Variants in ZNF277 observed in about 807,000 individuals in gnomAD.
ZNF277 encodes the protein nuclear receptor-interacting factor 4.
Under a neutral mutation model 60.7 loss-of-function variants are expected in ZNF277, and 55 were observed. The ratio of observed to expected loss-of-function variants is 0.91; its 90% CI spans 0.73 to 1.13. The LOEUF is 1.13. Among genes scored for constraint, ZNF277 ranks in the 50% most tolerant of loss-of-function variants. ZNF277 has a pLI of 0.00. For synonymous variants in ZNF277, 178 were observed against 179.3 expected (o/e 0.99, Z 0.06); for missense variants, 510 against 523.0 (o/e 0.98, Z 0.24).
chr7:112,289,389 G>A (rs1792151382), intron 2 of ZNF277, among the ~76,000 whole-genome samples: 1 of 152,210 alleles, frequency 6.6e-6, no homozygotes, highest in South Asian at 2.1e-4. Context: ...AGAGATTTTG[G>A]TGCTGCCTTA....
intron 1 of ZNF277, among the ~76,000 whole-genome samples, chr7:112,256,590 T>C (rs772821611): frequency 3.9e-5 from 6 of 151,988 alleles, no homozygotes; most frequent in Admixed American, 6.6e-5. Context: ...GGATTACAGA[T>C]GTGCACCACC....
intron 1 of ZNF277, among the ~76,000 whole-genome samples, chr7:112,249,609 C>T (rs753092996): frequency 9.9e-5 from 15 of 152,090 alleles, no homozygotes; most frequent in Non-Finnish European, 1.8e-4. Context: ...TTGAGTATTG[C>T]GGGAAGTCAG....
chr7:112,272,401 A>G (rs1340872118), intron 1 of ZNF277, among the ~76,000 whole-genome samples: 1 of 152,196 alleles, frequency 6.6e-6, no homozygotes, highest in African/African-American at 2.4e-5. Context: ...TATCTCTTCA[A>G]TATACTGATT....
At position 112,295,857 on chromosome 7, in the gene ZNF277, T is replaced by G. The variant is rs1418314472; in HGVS notation, c.294-12T>G. 1 of 1,596,704 alleles carries G rather than the reference T, an allele frequency of 6.3e-7. No individual in the cohort carries two copies. The highest frequency in any genetic ancestry group is 2.2e-5 in the East Asian group (1 of 44,612). ...AATCTTCTCATCGTTCCTTATTTTATGTTGTTCTAAGGTACATTTTATATT... is the reference window on the plus strand; with the variant it reads ...AATCTTCTCATCGTTCCTTATTTTAGGTTGTTCTAAGGTACATTTTATATT... On this transcript the variant is annotated splice_polypyrimidine_tract_variant and intron_variant, in intron 2 of 11. Coordinates refer to ENST00000361822, the MANE Select transcript of ZNF277 (RefSeq NM_021994.3).
At position 112,285,134 on chromosome 7, in the gene ZNF277, A is replaced by G. The variant is rs566002413; in HGVS notation, c.92-1739A>G. Among the ~76,000 whole-genome samples, 13 of 152,016 alleles carry G rather than the reference A, an allele frequency of 8.6e-5. No homozygotes were observed. The East Asian group carries it at 2.5e-3, about 29-fold the overall frequency. On this transcript the variant is annotated intron_variant, in intron 1 of 11. Transcript: ENST00000361822. Reference sequence around the variant, plus strand: ...AACCTCCACCACCTGGGTTCAAGCAATTCTCCTACCTCAGCCTCCCAAGTA... The same window carrying G: ...AACCTCCACCACCTGGGTTCAAGCAGTTCTCCTACCTCAGCCTCCCAAGTA...
At chr7:112,209,564 G>A (rs1821681224) in intron 1 of ZNF277, among the ~76,000 whole-genome samples, 1 of 152,062 alleles carries the variant, frequency 6.6e-6, no homozygotes, top group South Asian at 2.1e-4. Context: ...GAAATACCCA[G>A]TATTCTCATT....
intron 1 of ZNF277, among the ~76,000 whole-genome samples, chr7:112,222,461 T>A (rs889282340): frequency 6.6e-6 from 1 of 152,236 alleles, no homozygotes; most frequent in African/African-American, 2.4e-5. Flanking sequence ...GGTTATCCAA[T>A]TTATTGCCAT....
At chr7:112,311,962 T>C (rs1247222302) in intron 4 of ZNF277, among the ~76,000 whole-genome samples, 2 of 152,082 alleles carry the variant, frequency 1.3e-5, no homozygotes, top group African/African-American at 2.4e-5. Context: ...ATGACTGTCT[T>C]CTACCTAGAC....
intron 1 of ZNF277, among the ~76,000 whole-genome samples, chr7:112,277,077 ATT>A (rs59902516): frequency 0.042 from 4,422 of 104,074 alleles, 70 homozygotes; most frequent in African/African-American, 0.15. Context: ...GAATCTGTTG[ATT>A]TTTTTTTTTT....
chr7:112,269,217 TTTTG>T (rs1791613983), intron 1 of ZNF277, among the ~76,000 whole-genome samples: 1 of 151,546 alleles, frequency 6.6e-6, no homozygotes, highest in African/African-American at 2.4e-5. Context: ...TTTGTTTTTT[TTTTG>T]TTTGTTTTAC....
At chr7:112,248,771 C>T (rs1791138729) in intron 1 of ZNF277, among the ~76,000 whole-genome samples, 1 of 152,094 alleles carries the variant, frequency 6.6e-6, no homozygotes, top group Non-Finnish European at 1.5e-5. Context: ...TATCTTCGTA[C>T]ATTTAACTAT....
intron 7 of ZNF277, among the ~76,000 whole-genome samples, chr7:112,335,043 A>G (rs1793303459): frequency 6.6e-6 from 1 of 152,138 alleles, no homozygotes; most frequent in Non-Finnish European, 1.5e-5. Context: ...AAAACCTCTC[A>G]TTAAGTTGAT....
chr7:112,241,183 T>G (rs749465722), intron 1 of ZNF277, among the ~76,000 whole-genome samples: 16 of 151,962 alleles, frequency 1.1e-4, no homozygotes, highest in Non-Finnish European at 1.9e-4. Context: ...TAATCTCATT[T>G]AAAAAATGAG....
intron 1 of ZNF277, among the ~76,000 whole-genome samples, chr7:112,249,292 A>C (rs1203988340): frequency 6.6e-6 from 1 of 152,160 alleles, no homozygotes; most frequent in Non-Finnish European, 1.5e-5. Context: ...TTAACCAATA[A>C]ATACATAGGT....
chr7:112,273,641 C>G (rs916268403), intron 1 of ZNF277, among the ~76,000 whole-genome samples: 7 of 152,140 alleles, frequency 4.6e-5, no homozygotes, highest in Non-Finnish European at 8.8e-5. Context: ...CCATCTTGCT[C>G]CCTGACATTC....
Position 112,222,445 on chromosome 7 carries a change from C to T in ZNF277, c.91+15638C>T, listed in dbSNP as rs575734282. ...CTATGTGTATAGAATTTATCCATTT[C>T]TTCTAGGTTATCCAATTTATTGCCA... is the stretch of plus-strand genomic sequence containing the variant. On this transcript the variant is annotated intron_variant, in intron 1 of 11. Coordinates refer to ENST00000361822, the MANE Select transcript of ZNF277 (RefSeq NM_021994.3). 7.9e-5 allele frequency among the ~76,000 whole-genome samples: 12 copies of T among 152,280 alleles called. No homozygotes were observed. In the South Asian group the frequency reaches 2.5e-3, roughly 32 times the overall value.
intron 1 of ZNF277, among the ~76,000 whole-genome samples, chr7:112,276,724 G>A (rs1191105092): frequency 1.3e-5 from 2 of 152,128 alleles, no homozygotes; most frequent in African/African-American, 4.8e-5. Flanking sequence ...GTTACTTCCA[G>A]AAACAGTAGT....
At chr7:112,279,143 T>C (rs751164372) in intron 1 of ZNF277, among the ~76,000 whole-genome samples, 3 of 152,258 alleles carry the variant, frequency 2.0e-5, no homozygotes, top group Non-Finnish European at 4.4e-5. Context: ...TTCTGAGTAA[T>C]GCTTCAATGA....
At chr7:112,255,669 C>T (rs1791292808) in intron 1 of ZNF277, among the ~76,000 whole-genome samples, 1 of 152,232 alleles carries the variant, frequency 6.6e-6, no homozygotes, top group Admixed American at 6.5e-5. Flanking sequence ...ATAATAAGCA[C>T]CTGGCATGTG....
Sources: allele counts gnomAD v4.1 joint callset (sites outside exome capture counted in the v4.1 genomes callset), GRCh38; gene constraint gnomAD v4.1.1; transcripts MANE v1.5; gene names NCBI Gene and HGNC (gene_info 2026-07-23, HGNC 2026-07-21).